NR5A2: variants seen among roughly 807,000 people sequenced by gnomAD.
The protein encoded by NR5A2 is nuclear receptor subfamily 5 group A member 2, also known as CYP7A promoter-binding factor.
In NR5A2, 26 loss-of-function variants were observed where a neutral mutation model predicts 62.7. The observed-to-expected ratio is 0.41, with a 90% CI of 0.30 to 0.58. NR5A2 has a LOEUF of 0.58. Among genes scored for constraint, NR5A2 ranks in the 20% least tolerant of loss-of-function variants. The pLI is 0.22. For synonymous variants in NR5A2, 246 were observed against 241.7 expected (o/e 1.02, Z -0.16); for missense variants, 541 against 669.1 (o/e 0.81, Z 2.11).
chr1:200,150,041 AATGG>A (rs3838435), intron 7 of NR5A2, among the ~76,000 whole-genome samples: 2 of 151,980 alleles, frequency 1.3e-5, no homozygotes, highest in African/African-American at 4.8e-5. Context: ...AGCAGCATAT[AATGG>A]ATGGATGGAT....
intron 5 of NR5A2, among the ~76,000 whole-genome samples, chr1:200,084,129 A>G (rs949813760): frequency 5.3e-5 from 8 of 152,102 alleles, no homozygotes; most frequent in African/African-American, 1.7e-4. Context: ...GAGATTCAAC[A>G]TGAAGAGCAT....
intron 7 of NR5A2, among the ~76,000 whole-genome samples, chr1:200,169,782 A>T (rs1050879029): frequency 2.6e-5 from 4 of 152,256 alleles, no homozygotes; most frequent in Admixed American, 6.5e-5. Flanking sequence ...GTCTGTTTAC[A>T]TACTATTTCC....
chr1:200,173,952 T>C lies in NR5A2; in HGVS notation c.1379-11T>C, dbSNP rs1434957571. 3.0e-6 allele frequency: 4 copies of C among 1,346,290 alleles called. No homozygotes were observed. Among genetic ancestry groups the C allele is most frequent in the Non-Finnish European group, 3.8e-6 (4 of 1,039,770 alleles). 83.4% of individuals were successfully genotyped at this position (1,346,290 alleles called of 1,614,324 possible). ...GAAATGTTGCTTTTTTTTTTTTTTT[T>C]TTTAATGCAGATGTCAAAAACCTTG... On this transcript the variant is annotated splice_polypyrimidine_tract_variant and intron_variant, in intron 7 of 7. Transcript: ENST00000367362.
intron 5 of NR5A2, 147 bp from the exon 6 acceptor site, chr1:200,111,055 G>C: frequency 1.2e-6 from 1 of 818,704 alleles, no homozygotes; most frequent in Non-Finnish European, 1.8e-6. Context: ...ATGAATTCTG[G>C]GCACCTGTGC....
chr1:200,113,458 G>C (rs1309047950), intron 6 of NR5A2, among the ~76,000 whole-genome samples: 1 of 152,148 alleles, frequency 6.6e-6, no homozygotes, highest in Non-Finnish European at 1.5e-5. Flanking sequence ...ATTTATCTCT[G>C]TGCTTCTTGC....
rs757768627 is a variant in NR5A2, at chr1:200,120,798, T to C, written c.1231-10T>C. ...CTGATAGTCCTTAAAACTGTGATTC[T>C]GTATTGCAGGTGGACTATTCCATAA... On this transcript the variant is annotated splice_polypyrimidine_tract_variant and intron_variant, in intron 6 of 7. Transcript: ENST00000367362. 1 of 1,525,480 alleles carries C rather than the reference T, an allele frequency of 6.6e-7. No homozygotes were observed. Among genetic ancestry groups the C allele is most frequent in the Non-Finnish European group, 8.8e-7 (1 of 1,141,084 alleles). 94.5% of individuals were successfully genotyped at this position (1,525,480 alleles called of 1,614,324 possible). A position where few individuals can be genotyped will look rare whatever the true frequency, so the allele number is the denominator to read the frequency against.
intron 5 of NR5A2, among the ~76,000 whole-genome samples, chr1:200,085,245 CTT>C (rs2102241729): frequency 6.6e-6 from 1 of 152,292 alleles, no homozygotes; most frequent in East Asian, 1.9e-4. Flanking sequence ...GATTAAATGA[CTT>C]AACACAAATT....
intron 1 of NR5A2, chr1:200,029,206 C>T (rs1470483740): frequency 7.6e-6 from 2 of 262,976 alleles, no homozygotes; most frequent in Non-Finnish European, 1.5e-5. Flanking sequence ...GGGCCGGAGA[C>T]GCGGACTGCG....
intron 7 of NR5A2, among the ~76,000 whole-genome samples, chr1:200,172,454 T>C (rs1315703334): frequency 6.6e-6 from 1 of 152,222 alleles, no homozygotes; most frequent in Admixed American, 6.5e-5. Context: ...GTAGTATTTA[T>C]GTTTGTACAA....
At chr1:200,153,229 A>C (rs1312644210) in intron 7 of NR5A2, among the ~76,000 whole-genome samples, 2 of 152,244 alleles carry the variant, frequency 1.3e-5, no homozygotes, top group Non-Finnish European at 2.9e-5. Flanking sequence ...TTGGATGATT[A>C]CAGATTCTCT....
At chr1:200,044,867 T>G (rs1662283539) in intron 3 of NR5A2, among the ~76,000 whole-genome samples, 1 of 152,158 alleles carries the variant, frequency 6.6e-6, no homozygotes, top group East Asian at 1.9e-4. Flanking sequence ...CCATTAGTTT[T>G]GCCTTTTTAA....
intron 5 of NR5A2, among the ~76,000 whole-genome samples, chr1:200,078,780 G>T (rs748615238): frequency 3.3e-5 from 5 of 152,024 alleles, no homozygotes; most frequent in Non-Finnish European, 7.4e-5. Flanking sequence ...ATAAACATGT[G>T]AAATTCATTT....
At chr1:200,031,997 C>G (rs1487821848) in intron 1 of NR5A2, among the ~76,000 whole-genome samples, 1 of 152,188 alleles carries the variant, frequency 6.6e-6, no homozygotes, top group African/African-American at 2.4e-5. Context: ...CTAGGATTAT[C>G]TTGGATTCAG....
intron 5 of NR5A2, among the ~76,000 whole-genome samples, chr1:200,085,172 G>A (rs2821317): frequency 2.3e-3 from 351 of 152,296 alleles, no homozygotes; most frequent in Non-Finnish European, 4.1e-3. Flanking sequence ...TACTTAGCTC[G>A]TTTTAGGCTC....
Position 200,147,713 on chromosome 1 carries a change from C to T in NR5A2, c.1379-26250C>T. The T allele has an allele frequency of 1.6e-6, 1 of 642,790 alleles. No individual in the cohort carries two copies. 39.8% of individuals were successfully genotyped at this position (642,790 alleles called of 1,614,324 possible). On this transcript the variant is annotated intron_variant, in intron 7 of 7. Transcript: ENST00000367362. The surrounding 1 kb of genome is among the most constrained non-coding windows in gnomAD (Gnocchi z 4.9). ...GGCTCCGAGGCGATCTCCTCCAGCT[C>T]CTCCCTGAGCGCCTCTCCCACGTCC...
chr1:200,133,526 T>TATATATATATATAC (rs1416690757), intron 7 of NR5A2, among the ~76,000 whole-genome samples: 6 of 87,412 alleles, frequency 6.9e-5, no homozygotes, highest in South Asian at 3.5e-4. Context: ...TATATATATA[T>TATATATATATATAC]ACACACACAT....
At chr1:200,102,530 A>G (rs755315130) in intron 5 of NR5A2, among the ~76,000 whole-genome samples, 1 of 152,164 alleles carries the variant, frequency 6.6e-6, no homozygotes, top group Non-Finnish European at 1.5e-5. Flanking sequence ...ACACCTAAAC[A>G]TGTGAACGTT....
At chr1:200,131,147 T>C (rs1436714721) in intron 7 of NR5A2, among the ~76,000 whole-genome samples, 1 of 152,202 alleles carries the variant, frequency 6.6e-6, no homozygotes, top group African/African-American at 2.4e-5. Context: ...CTGTTCAATA[T>C]TTACACCATA....
intron 2 of NR5A2, chr1:200,042,749 T>G: frequency 6.1e-5 from 47 of 773,038 alleles, no homozygotes; most frequent in Non-Finnish European, 7.1e-5. Context: ...ATACTTGACC[T>G]GTGTGGATGT....
Sources: allele counts gnomAD v4.1 joint callset (sites outside exome capture counted in the v4.1 genomes callset), GRCh38; gene constraint gnomAD v4.1.1; non-coding constraint Gnocchi (gnomAD v3.1); transcripts MANE v1.5; gene names NCBI Gene and HGNC (gene_info 2026-07-23, HGNC 2026-07-21).